KLHL15: variants seen among roughly 807,000 people sequenced by gnomAD.
KLHL15 encodes the protein kelch-like protein 15.
Under a neutral mutation model 29.3 loss-of-function variants are expected in KLHL15, and 1 was observed. The observed-to-expected ratio is 0.03, with a 90% CI of 0.01 to 0.16. KLHL15 has a LOEUF of 0.16. Ranked by LOEUF, KLHL15 falls within the 10% of genes least tolerant of loss-of-function variation. The probability of loss-of-function intolerance (pLI) is 1.00; values close to 1 mark genes in which losing one functional copy is unlikely to be tolerated. For missense variants in KLHL15, 215 were observed against 478.5 expected, an observed-to-expected ratio of 0.45 and a Z score of 5.14; for synonymous variants, 212 against 184.5, an observed-to-expected ratio of 1.15 and a Z score of -1.21.
At chrX:23,992,779 C>T (rs1796764249) in intron 3 of KLHL15, among the ~76,000 whole-genome samples, 1 of 112,059 alleles carries the variant, frequency 8.9e-6, no homozygotes, top group African/African-American at 3.2e-5. Context: ...AGAGAGCTTT[C>T]TGGAATTCAG....
At position 24,025,232 on chromosome X, in the gene KLHL15, C is replaced by G. The variant is rs1408008148; in HGVS notation, c.-209-174G>C. Reference sequence around the variant, plus strand: ...GGCGGGGAAAAGGGCTGGGGGGCAGCAGGCAGAGACAGAAGCACCAGCCGA... The same window carrying G: ...GGCGGGGAAAAGGGCTGGGGGGCAGGAGGCAGAGACAGAAGCACCAGCCGA... On this transcript the variant is annotated intron_variant, in intron 1 of 3. Transcript: ENST00000328046. 2.7e-5 allele frequency among the ~76,000 whole-genome samples: 3 copies of G among 111,422 alleles called. No individual in the cohort carries two copies. In the South Asian group the frequency reaches 1.1e-3, roughly 41 times the overall value.
intron 3 of KLHL15, among the ~76,000 whole-genome samples, chrX:23,999,220 C>T (rs1326947682): frequency 9.0e-6 from 1 of 110,742 alleles, no homozygotes. Flanking sequence ...CGGTTTTCTC[C>T]TTTTAAATGT....
chrX:23,987,764 G>T lies in KLHL15; in HGVS notation c.*157C>A. 1 of 475,569 alleles carries T rather than the reference G, an allele frequency of 2.1e-6. No homozygotes were observed. The allele number at this position is 475,569 out of a possible 1,213,427, so 39.2% of individuals were successfully genotyped here. On this transcript the variant is annotated 3_prime_UTR_variant, in exon 4 of 4. Coordinates refer to ENST00000328046, the MANE Select transcript of KLHL15 (RefSeq NM_030624.3). ...TGCATGAGTTTGAGGCCACTGAAAA[G>T]AAAAAAAGGATGCTAGCACAGAATG...
chrX:23,983,738 TTTTA>T lies in KLHL15; in HGVS notation c.*4179_*4182del, dbSNP rs1305711740. 8.9e-6 allele frequency: 1 copy of T among 112,381 alleles called. No homozygotes were observed. Among genetic ancestry groups the T allele is most frequent in the Non-Finnish European group, 1.9e-5 (1 of 53,332 alleles). The allele number at this position is 112,381 out of a possible 1,213,427, so 9.3% of individuals were successfully genotyped here. ...AAGTATATTTTAAAGATTAAAAATATTTTATTTAAACTTTTCTTCATAAACACTT... is the reference window on the plus strand; with the variant it reads ...AAGTATATTTTAAAGATTAAAAATATTTTAAACTTTTCTTCATAAACACTT... On this transcript the variant is annotated 3_prime_UTR_variant, in exon 4 of 4. Transcript: ENST00000328046.
intron 2 of KLHL15, among the ~76,000 whole-genome samples, chrX:24,024,547 G>A (rs1372524579): frequency 8.9e-6 from 1 of 112,139 alleles, no homozygotes; most frequent in Non-Finnish European, 1.9e-5. Context: ...ATTTTGCATA[G>A]TTCTATTTCA....
intron 3 of KLHL15, among the ~76,000 whole-genome samples, chrX:24,005,602 T>C (rs1391952100): frequency 8.9e-6 from 1 of 111,968 alleles, no homozygotes; most frequent in Admixed American, 9.6e-5. Flanking sequence ...TCTGCATGTA[T>C]TACTTAAATT....
chrX:23,989,131 A>T, intron 3 of KLHL15, 101 bp from the exon 4 acceptor site: 1 of 655,846 alleles, frequency 1.5e-6, no homozygotes, highest in Non-Finnish European at 2.2e-6. Context: ...CACTTTACTA[A>T]AACTGCTTTT....
At chrX:24,024,018 C>T (rs1286207629) in intron 2 of KLHL15, among the ~76,000 whole-genome samples, 1 of 111,770 alleles carries the variant, frequency 8.9e-6, no homozygotes, top group Non-Finnish European at 1.9e-5. Context: ...CAAAGGCAAA[C>T]AAATTCGGAA....
intron 3 of KLHL15, among the ~76,000 whole-genome samples, chrX:23,992,181 C>G (rs1929100719): frequency 8.9e-6 from 1 of 111,944 alleles, no homozygotes; most frequent in South Asian, 3.7e-4. Flanking sequence ...CTGTGGCAAT[C>G]TTGGGCACAT....
chrX:24,001,356 T>C (rs1416503620), intron 3 of KLHL15, among the ~76,000 whole-genome samples: 1 of 111,639 alleles, frequency 9.0e-6, no homozygotes, highest in Non-Finnish European at 1.9e-5. Context: ...AAGGGGATCA[T>C]TGGGATGCTG....
intron 2 of KLHL15, among the ~76,000 whole-genome samples, chrX:24,016,370 G>C (rs1487537248): frequency 3.7e-4 from 29 of 78,770 alleles, no homozygotes; most frequent in South Asian, 9.6e-4. Flanking sequence ...AAAAAAAAAG[G>C]GGGGGTATAC....
intron 2 of KLHL15, among the ~76,000 whole-genome samples, chrX:24,018,783 C>T (rs1929744623): frequency 9.0e-6 from 1 of 111,500 alleles, no homozygotes; most frequent in African/African-American, 3.3e-5. Context: ...GGGCTGATCA[C>T]TTGAGCTCAG....
chrX:24,000,067 A>T (rs1264912740), intron 3 of KLHL15, among the ~76,000 whole-genome samples: 1 of 112,302 alleles, frequency 8.9e-6, no homozygotes, highest in Non-Finnish European at 1.9e-5. Flanking sequence ...AATTTAAGCA[A>T]TTTCAAGTTC....
intron 3 of KLHL15, among the ~76,000 whole-genome samples, chrX:23,999,362 G>A (rs1175636341): frequency 9.2e-6 from 1 of 109,271 alleles, no homozygotes; most frequent in Non-Finnish European, 1.9e-5. Flanking sequence ...TTGGGAGGCC[G>A]AGGCAGACGG....
intron 2 of KLHL15, among the ~76,000 whole-genome samples, chrX:24,018,723 C>T (rs1346471772): frequency 1.8e-5 from 2 of 111,382 alleles, no homozygotes; most frequent in Non-Finnish European, 3.8e-5. Context: ...ATTGGTCAGC[C>T]GGGCACAGTG....
At chrX:24,008,629 C>T (rs1356106362) in intron 2 of KLHL15, among the ~76,000 whole-genome samples, 2 of 110,462 alleles carry the variant, frequency 1.8e-5, no homozygotes, top group African/African-American at 6.6e-5. Flanking sequence ...TCTTAATTCT[C>T]ATCCTTACAC....
chrX:24,003,657 G>T (rs1929383317), intron 3 of KLHL15, among the ~76,000 whole-genome samples: 1 of 108,771 alleles, frequency 9.2e-6, no homozygotes, highest in Non-Finnish European at 1.9e-5. Flanking sequence ...ATGTGTGTGT[G>T]TGTGTGTGTG....
intron 3 of KLHL15, among the ~76,000 whole-genome samples, chrX:24,001,729 G>A (rs1929320096): frequency 9.9e-6 from 1 of 100,756 alleles, no homozygotes; most frequent in South Asian, 4.7e-4. Context: ...GCTTGAACCC[G>A]GGGGGCGGAG....
rs1218702502 is a variant in KLHL15, at chrX:23,987,870, C to T, written c.*51G>A. On this transcript the variant is annotated 3_prime_UTR_variant, in exon 4 of 4. Coordinates refer to ENST00000328046, the MANE Select transcript of KLHL15 (RefSeq NM_030624.3). ...TCTTTATATGTTTTAATTAATTACT[C>T]TGTGCAAACAAATACTTTGTTTGCC... is the stretch of plus-strand genomic sequence containing the variant. 1 of 1,079,145 alleles carries T rather than the reference C, an allele frequency of 9.3e-7. No individual in the cohort carries two copies. The highest frequency in any genetic ancestry group is 2.2e-5 in the South Asian group (1 of 45,444). 88.9% of individuals were successfully genotyped at this position (1,079,145 alleles called of 1,213,427 possible). A position where few individuals can be genotyped will look rare whatever the true frequency, so the allele number is the denominator to read the frequency against.
Sources: gnomAD v4.1 joint callset for allele counts (sites outside exome capture counted in the v4.1 genomes callset) on GRCh38, gnomAD v4.1.1 for gene constraint, MANE v1.5 for transcripts, NCBI Gene and HGNC (gene_info 2026-07-23, HGNC 2026-07-21) for gene names.